The following SUGCT variants were observed in gnomAD, a reference collection of about 807,000 sequenced individuals.
SUGCT encodes the protein succinyl-CoA:glutarate-CoA transferase, also known as succinyl-CoA:glutarate CoA-transferase.
In SUGCT, 41 loss-of-function variants were observed where a neutral mutation model predicts 55.0. That is an observed-to-expected ratio of 0.74 (90% CI 0.58 to 0.97). SUGCT has a LOEUF of 0.97. SUGCT is among the 50% of genes least tolerant of loss of function. SUGCT has a pLI of 0.00. For synonymous variants in SUGCT, 187 were observed against 200.4 expected, an observed-to-expected ratio of 0.93 and a Z score of 0.56; for missense variants, 568 against 547.8, an observed-to-expected ratio of 1.04 and a Z score of -0.37.
chr7:40,575,455 A>T (rs1355139254), intron 12 of SUGCT, among the ~76,000 whole-genome samples: 6 of 152,200 alleles, frequency 3.9e-5, no homozygotes, highest in Non-Finnish European at 7.3e-5. Flanking sequence ...GAAGAAGTTG[A>T]TGCCTAGTAG....
At chr7:40,161,208 T>G (rs530497955) in intron 1 of SUGCT, among the ~76,000 whole-genome samples, 1 of 152,334 alleles carries the variant, frequency 6.6e-6, no homozygotes, top group East Asian at 1.9e-4. Flanking sequence ...TTTCTCTTGC[T>G]CTTCAGAGTT....
chr7:40,231,643 G>C (rs1402529673), intron 6 of SUGCT, among the ~76,000 whole-genome samples: 2 of 152,146 alleles, frequency 1.3e-5, no homozygotes, highest in Non-Finnish European at 2.9e-5. Context: ...GCCCAAGATA[G>C]GGCATTGGGA....
intron 13 of SUGCT, among the ~76,000 whole-genome samples, chr7:40,791,833 G>A (rs767102891): frequency 3.3e-5 from 5 of 152,160 alleles, no homozygotes; most frequent in Non-Finnish European, 5.9e-5. Context: ...TGTTACTTAA[G>A]TGAATTGGTT....
At chr7:40,977,644 C>A in the SUGCT span, among the ~76,000 whole-genome samples, 1 of 152,100 alleles carries the variant, frequency 6.6e-6, no homozygotes, top group Non-Finnish European at 1.5e-5. Context: ...GAAACCACTC[C>A]CTCTCACAAG....
At chr7:40,630,141 C>G (rs1799722687) in intron 12 of SUGCT, among the ~76,000 whole-genome samples, 1 of 152,242 alleles carries the variant, frequency 6.6e-6, no homozygotes. Flanking sequence ...ATCACTTCCT[C>G]CAAACTGTTC....
intron 12 of SUGCT, among the ~76,000 whole-genome samples, chr7:40,581,245 ACT>A (rs1463694923): frequency 2.6e-5 from 4 of 152,026 alleles, no homozygotes; most frequent in African/African-American, 9.7e-5. Context: ...GAAATTAAAA[ACT>A]CTATAATTGC....
chr7:40,658,651 T>G (rs1180975138), intron 12 of SUGCT, among the ~76,000 whole-genome samples: 1 of 152,118 alleles, frequency 6.6e-6, no homozygotes, highest in Non-Finnish European at 1.5e-5. Flanking sequence ...TCATTTAAGG[T>G]GAATGTGTTT....
intron 9 of SUGCT, among the ~76,000 whole-genome samples, chr7:40,443,750 G>T (rs538166481): frequency 1.7e-4 from 26 of 152,218 alleles, no homozygotes; most frequent in African/African-American, 6.3e-4. Flanking sequence ...GTCAGTTTTG[G>T]TTTTTGTTGC....
At chr7:40,191,561 G>A (rs867399995) in intron 5 of SUGCT, among the ~76,000 whole-genome samples, 18 of 152,064 alleles carry the variant, frequency 1.2e-4, no homozygotes, top group African/African-American at 4.1e-4. Context: ...CTTTCCTGTA[G>A]CATAACTTAG....
At position 40,742,374 on chromosome 7, in the gene SUGCT, G is replaced by A. The variant is rs183402000; in HGVS notation, c.1090-7060G>A. On this transcript the variant is annotated intron_variant, in intron 12 of 13. Coordinates refer to ENST00000335693, the MANE Select transcript of SUGCT (RefSeq NM_001193313.2). ...CCCAATCTTTTTGGCACCAGGGCCAGTTTTGTAGAAGACAGTTTTTCCATG... is the reference window on the plus strand; with the variant it reads ...CCCAATCTTTTTGGCACCAGGGCCAATTTTGTAGAAGACAGTTTTTCCATG... Among the ~76,000 whole-genome samples, 359 of 152,292 alleles carry A rather than the reference G, an allele frequency of 2.4e-3. 1 individual carries two copies. Among genetic ancestry groups the A allele is most frequent in the Non-Finnish European group, 4.4e-3 (301 of 68,020 alleles).
At chr7:40,491,453 T>C (rs533077649) in intron 11 of SUGCT, among the ~76,000 whole-genome samples, 5 of 152,158 alleles carry the variant, frequency 3.3e-5, no homozygotes, top group Admixed American at 2.0e-4. Flanking sequence ...CCTAGGTTTA[T>C]GAAGGAAATG....
At chr7:40,925,267 T>G in the SUGCT span, among the ~76,000 whole-genome samples, 1 of 152,216 alleles carries the variant, frequency 6.6e-6, no homozygotes, top group East Asian at 1.9e-4. Context: ...TGAAAATGGT[T>G]TCTTATCTTA....
chr7:40,805,555 A>G (rs1248186459), intron 13 of SUGCT, among the ~76,000 whole-genome samples: 3 of 152,226 alleles, frequency 2.0e-5, no homozygotes, highest in Non-Finnish European at 4.4e-5. Context: ...CATTCATCAA[A>G]GCAGACATGA....
intron 6 of SUGCT, among the ~76,000 whole-genome samples, chr7:40,223,668 A>G (rs1263933073): frequency 2.0e-5 from 3 of 152,150 alleles, no homozygotes; most frequent in African/African-American, 7.2e-5. Context: ...TGCACTTTTG[A>G]AAAGACTTTA....
At chr7:40,948,489 A>G in the SUGCT span, among the ~76,000 whole-genome samples, 1 of 151,954 alleles carries the variant, frequency 6.6e-6, no homozygotes, top group Non-Finnish European at 1.5e-5. Flanking sequence ...AAGTTCTGGA[A>G]TACAAGTGCA....
At chr7:40,497,517 G>A (rs1208319052) in intron 12 of SUGCT, among the ~76,000 whole-genome samples, 2 of 152,126 alleles carry the variant, frequency 1.3e-5, no homozygotes, top group Admixed American at 6.6e-5. Context: ...TTGAGATAAA[G>A]GGGCCCATTT....
chr7:40,511,119 G>T (rs2151551926), intron 12 of SUGCT, among the ~76,000 whole-genome samples: 1 of 152,230 alleles, frequency 6.6e-6, no homozygotes, highest in South Asian at 2.1e-4. Context: ...CATTACAGAG[G>T]AAAAAGTAAT....
chr7:40,447,263 G>A (rs1013665201), intron 9 of SUGCT, among the ~76,000 whole-genome samples: 20 of 152,216 alleles, frequency 1.3e-4, no homozygotes, highest in African/African-American at 2.9e-4. Context: ...GATCACATGC[G>A]GCTAGTGGCT....
chr7:40,466,874 G>A (rs1403519300), intron 11 of SUGCT, among the ~76,000 whole-genome samples: 3 of 152,126 alleles, frequency 2.0e-5, no homozygotes, highest in African/African-American at 7.2e-5. Context: ...TATATCATAC[G>A]TGTAAAAATA....
Sources: gnomAD v4.1 joint callset for allele counts (sites outside exome capture counted in the v4.1 genomes callset) on GRCh38, gnomAD v4.1.1 for gene constraint, MANE v1.5 for transcripts, NCBI Gene and HGNC (gene_info 2026-07-23, HGNC 2026-07-21) for gene names.